BRPF1: variants seen among roughly 807,000 people sequenced by gnomAD.
The protein encoded by BRPF1 is peregrin.
In BRPF1, 15 loss-of-function variants were observed where a neutral mutation model predicts 115.0. The observed-to-expected ratio is 0.13, with a 90% CI of 0.09 to 0.20. The LOEUF (loss-of-function observed/expected upper bound fraction) is 0.20, where lower values mean the gene tolerates loss of function less well. BRPF1 is among the 10% of genes least tolerant of loss of function. BRPF1 has a pLI of 1.00. For synonymous variants in BRPF1, 647 were observed against 619.8 expected (o/e 1.04, Z -0.65); for missense variants, 1,118 against 1,638.3 (o/e 0.68, Z 5.48).
At chr3:9,741,688 A>G (rs74868285) in intron 5 of BRPF1, among the ~76,000 whole-genome samples, 18 of 151,270 alleles carry the variant, frequency 1.2e-4, no homozygotes, top group Non-Finnish European at 2.5e-4. Context: ...TGTGTACCCC[A>G]GCCAGATAGC....
Position 9,745,134 on chromosome 3 carries a change from G to GTAGCAT in BRPF1, c.3047_3048insTAGCAT (p.Ser1016_Ala1017insSerIle). The GTAGCAT allele has an allele frequency of 6.2e-7, 1 of 1,614,200 alleles. No homozygotes were observed. On this transcript the variant is annotated inframe_insertion, in exon 10 of 14. Transcript: ENST00000383829. The surrounding 1 kb of genome is among the most constrained non-coding windows in gnomAD (Gnocchi z 5.1). Reference sequence around the variant, plus strand: ...GAGTCCAGCAGCAGTAGCAGTAGCAGCGCTGCTTCAGACCGGACCAGGTAC... The same window carrying GTAGCAT: ...GAGTCCAGCAGCAGTAGCAGTAGCAGTAGCATCGCTGCTTCAGACCGGACCAGGTAC...
chr3:9,742,910 C>A, intron 6 of BRPF1, 34 bp from the exon 7 acceptor site: 1 of 1,596,144 alleles, frequency 6.3e-7, no homozygotes. Context: ...AGGAGGATAT[C>A]TCCACTTAAA....
rs1292639416 is a variant in BRPF1 at position 9,743,266 on chromosome 3, T to TCA, written c.2311+22_2311+23dup. ...CACACTGAAGATGGTGGGTGATATATCACACACACATATAAGAGGCCAATG... is the reference window on the plus strand; with the variant it reads ...CACACTGAAGATGGTGGGTGATATATCACACACACACATATAAGAGGCCAATG... On this transcript the variant is annotated intron_variant, in intron 7 of 13. Transcript: ENST00000383829. This position sits in a 1 kb window ranked among gnomAD's most constrained non-coding sequence, Gnocchi z 6.1. The TCA allele has an allele frequency of 6.2e-7, 1 of 1,608,162 alleles. No homozygotes were observed.
In BRPF1 at chr3:9,743,425, T is replaced by C; in HGVS notation, c.2312-153T>C. 3.4e-6 allele frequency: 4 copies of C among 1,186,722 alleles called. No homozygotes were observed. The highest frequency in any genetic ancestry group is 4.7e-6 in the Non-Finnish European group (4 of 850,834). 73.5% of individuals were successfully genotyped at this position (1,186,722 alleles called of 1,614,324 possible). On this transcript the variant is annotated intron_variant, in intron 7 of 13. Transcript: ENST00000383829. This position sits in a 1 kb window ranked among gnomAD's most constrained non-coding sequence, Gnocchi z 6.1. ...GCCAGACTGGGTGAATGGATAGCAG[T>C]GCCCGCCATTCCACATCTTGGTGCT...
At position 9,743,294 on chromosome 3, in the gene BRPF1, G is replaced by T; in HGVS notation, c.2311+41G>T. On this transcript the variant is annotated intron_variant, in intron 7 of 13. Transcript: ENST00000383829. This position sits in a 1 kb window ranked among gnomAD's most constrained non-coding sequence, Gnocchi z 6.1. The stretch of plus-strand genomic sequence containing the variant: ...CACACACATATAAGAGGCCAATGCC[G>T]GGGATGGACAGCTTTCCAAAAGTCC... 2 of 1,575,180 alleles carry T rather than the reference G, an allele frequency of 1.3e-6. No individual in the cohort carries two copies. The highest frequency in any genetic ancestry group is 1.2e-5 in the South Asian group (1 of 85,402).
rs374395365 is a variant in BRPF1, at chr3:9,734,537, G to T, written c.397G>T (p.Gly133Cys). Residue 133 changes from glycine (G) to cysteine (C), a missense_variant, in exon 2 of 14, where the codon GGC (glycine) becomes TGC (cysteine). Physicochemically the swap from Gly to Cys is radical, Grantham distance 159. Around this residue, in one of 10 missense-constraint regions of BRPF1, gnomAD observed 280 missense variants for 382.8 expected, o/e 0.73. Coordinates refer to ENST00000383829, the MANE Select transcript of BRPF1 (RefSeq NM_001003694.2). The surrounding 1 kb of genome is among the most constrained non-coding windows in gnomAD (Gnocchi z 5.7). ...EEAPEEAPEN[G>C]SNKENTETPA... ...AGCCCCCGAGGAGGCCCCTGAGAAT[G>T]GCAGCAACAAGGAGAACACTGAGAC... 1 of 1,614,108 alleles carries T rather than the reference G, an allele frequency of 6.2e-7. No homozygotes were observed. Among genetic ancestry groups the T allele is most frequent in the African/African-American group, 1.3e-5 (1 of 75,018 alleles).
At position 9,739,418 on chromosome 3, in the gene BRPF1, T is replaced by G; in HGVS notation, c.1019T>G (p.Phe340Cys). 5 of 1,614,196 alleles carry G rather than the reference T, an allele frequency of 3.1e-6. No homozygotes were observed. Among genetic ancestry groups the G allele is most frequent in the Non-Finnish European group, 4.2e-6 (5 of 1,180,034 alleles). The change falls in exon 3 of 14, where the codon TTC becomes TGC. Residue 340 changes from phenylalanine (F) to cysteine (C), a missense_variant. This residue lies in a region of BRPF1 where 64 missense variants were observed against 172.8 expected (regional missense o/e 0.37). Transcript: ENST00000383829. ...CTGTGCCCCAACAAGGGCGGTGCCTTCAAGCAGACAGATGACGGGCGCTGG... is the reference window on the plus strand; with the variant it reads ...CTGTGCCCCAACAAGGGCGGTGCCTGCAAGCAGACAGATGACGGGCGCTGG... ...CALCPNKGGA[F>C]KQTDDGRWAH... is the part of the protein sequence containing the mutation.
chr3:9,742,626 A>G (rs193070844), intron 6 of BRPF1: 1 of 881,654 alleles, frequency 1.1e-6, no homozygotes, highest in East Asian at 1.2e-4. Flanking sequence ...GGTGGTGTTT[A>G]TTTTCAGAGG....
At position 9,747,374 on chromosome 3, in the gene BRPF1, T is replaced by C. The variant is rs371210376; in HGVS notation, c.*25T>C. ...ATACTGCTCAACACAGCCCAACCTA[T>C]AGTGCCCTGTGACTTCTCTCCTCCC... On this transcript the variant is annotated 3_prime_UTR_variant, in exon 14 of 14. Coordinates refer to ENST00000383829, the MANE Select transcript of BRPF1 (RefSeq NM_001003694.2). This position sits in a 1 kb window ranked among gnomAD's most constrained non-coding sequence, Gnocchi z 5.6. 2.6e-5 allele frequency: 41 copies of C among 1,604,982 alleles called. No individual in the cohort carries two copies. The South Asian group carries it at 4.2e-4, about 16-fold the overall frequency.
Position 9,734,458 on chromosome 3 carries a change from C to T in BRPF1, c.318C>T (p.Arg106=), listed in dbSNP as rs927562819. ...TGGTGGAGGTGGACTTGCATGGCCG[C>T]GTCCACCGCATCAGCATCTTTGACA... ...QRMVEVDLHG[R]VHRISIFDNL... is the part of the protein sequence containing the mutation. Residue 106 remains arginine (R), a synonymous_variant, in exon 2 of 14, where the codon CGC becomes CGT. Coordinates refer to ENST00000383829, the MANE Select transcript of BRPF1 (RefSeq NM_001003694.2). The surrounding 1 kb of genome is among the most constrained non-coding windows in gnomAD (Gnocchi z 5.7). The T allele has an allele frequency of 1.9e-6, 3 of 1,614,024 alleles. No individual in the cohort carries two copies. The highest frequency in any genetic ancestry group is 2.2e-5 in the East Asian group (1 of 44,888).
At chr3:9,737,935 G>A (rs749091843) in intron 2 of BRPF1, among the ~76,000 whole-genome samples, 2 of 152,036 alleles carry the variant, frequency 1.3e-5, no homozygotes, top group Non-Finnish European at 2.9e-5. Context: ...TATTATCCTC[G>A]TTCTGTCATC....
chr3:9,740,532 G>A (rs1033693227), intron 3 of BRPF1, among the ~76,000 whole-genome samples: 1 of 152,214 alleles, frequency 6.6e-6, no homozygotes, highest in Non-Finnish European at 1.5e-5. Context: ...AGGGGCAGAA[G>A]TCCCTGATTG....
Position 9,743,445 on chromosome 3 carries a change from G to T in BRPF1, c.2312-133G>T. ...AGCAGTGCCCGCCATTCCACATCTTGGTGCTGCTATTTTACAGCTGTTCCT... is the reference window on the plus strand; with the variant it reads ...AGCAGTGCCCGCCATTCCACATCTTTGTGCTGCTATTTTACAGCTGTTCCT... On this transcript the variant is annotated intron_variant, in intron 7 of 13. Coordinates refer to ENST00000383829, the MANE Select transcript of BRPF1 (RefSeq NM_001003694.2). This position sits in a 1 kb window ranked among gnomAD's most constrained non-coding sequence, Gnocchi z 6.1. 1.6e-6 allele frequency: 2 copies of T among 1,229,978 alleles called. No homozygotes were observed. The highest frequency in any genetic ancestry group is 2.3e-6 in the Non-Finnish European group (2 of 882,136). 76.2% of individuals were successfully genotyped at this position (1,229,978 alleles called of 1,614,324 possible).
At position 9,739,223 on chromosome 3, in the gene BRPF1, T is replaced by A; in HGVS notation, c.824T>A (p.Val275Asp). 6.2e-7 allele frequency: 1 copy of A among 1,613,658 alleles called. No individual in the cohort carries two copies. Among genetic ancestry groups the A allele is most frequent in the Non-Finnish European group, 8.5e-7 (1 of 1,179,626 alleles). ...DPNALVDEDA[V>D]CCICNDGECQ... ...AATGCGCTAGTGGACGAGGATGCTGTTTGCTGTATCTGCAATGATGGTGAG... is the reference window on the plus strand; with the variant it reads ...AATGCGCTAGTGGACGAGGATGCTGATTGCTGTATCTGCAATGATGGTGAG... The change falls in exon 3 of 14, where the codon GTT becomes GAT. Residue 275 changes from valine (V) to aspartate (D), a missense_variant. Physicochemically the swap from Val to Asp is radical, Grantham distance 152 (BLOSUM62 -3). Around this residue, in one of 10 missense-constraint regions of BRPF1, gnomAD observed 280 missense variants for 382.8 expected, o/e 0.73. Coordinates refer to ENST00000383829, the MANE Select transcript of BRPF1 (RefSeq NM_001003694.2).
intron 1 of BRPF1, among the ~76,000 whole-genome samples, chr3:9,733,607 A>G (rs1175431320): frequency 1.3e-5 from 2 of 152,238 alleles, no homozygotes; most frequent in African/African-American, 4.8e-5. Flanking sequence ...TTGAAGAATG[A>G]GTAGGAGCCC....
At chr3:9,740,181 C>T (rs7652365) in intron 3 of BRPF1, among the ~76,000 whole-genome samples, 1,978 of 152,272 alleles carry the variant, frequency 0.013, 48 homozygotes, top group African/African-American at 0.044. Flanking sequence ...AGCTAACAGG[C>T]GTTTTGGAAC....
Position 9,745,983 on chromosome 3 carries a change from A to G in BRPF1, c.3324+53A>G, listed in dbSNP as rs2077119108. On this transcript the variant is annotated intron_variant, in intron 12 of 13. Coordinates refer to ENST00000383829, the MANE Select transcript of BRPF1 (RefSeq NM_001003694.2). The surrounding 1 kb of genome is among the most constrained non-coding windows in gnomAD (Gnocchi z 5.1). ...CTTTCCAATCCCAGAATACAGATTCACAGTTAGCAGACTTTTCCTACTCCC... is the reference window on the plus strand; with the variant it reads ...CTTTCCAATCCCAGAATACAGATTCGCAGTTAGCAGACTTTTCCTACTCCC... The G allele has an allele frequency of 3.2e-6, 5 of 1,561,380 alleles. No homozygotes were observed. In the South Asian group the frequency reaches 5.9e-5, roughly 18 times the overall value.
In BRPF1 at chr3:9,745,696, C is replaced by A; in HGVS notation, c.3192C>A (p.Gly1064=). 3 of 1,614,196 alleles carry A rather than the reference C, an allele frequency of 1.9e-6. No individual in the cohort carries two copies. The highest frequency in any genetic ancestry group is 2.5e-6 in the Non-Finnish European group (3 of 1,179,980). Residue 1064 remains glycine, a synonymous_variant, in exon 11 of 14, where the codon GGC becomes GGA. Coordinates refer to ENST00000383829, the MANE Select transcript of BRPF1 (RefSeq NM_001003694.2). This position sits in a 1 kb window ranked among gnomAD's most constrained non-coding sequence, Gnocchi z 5.1. ...NEAYSVGTGR[G]VGHSMVRKSL... ...CCTACTCCGTGGGCACTGGCCGCGG[C>A]GTGGGCCACAGCAGTAAGTTCCCTT...
rs2077144142 is a variant in BRPF1 at position 9,747,238 on chromosome 3, G to A, written c.3552G>A (p.Glu1184=). The change falls in exon 14 of 14, where the codon GAG becomes GAA. Residue 1184 remains glutamate (E), a synonymous_variant. Coordinates refer to ENST00000383829, the MANE Select transcript of BRPF1 (RefSeq NM_001003694.2). The surrounding 1 kb of genome is among the most constrained non-coding windows in gnomAD (Gnocchi z 5.6). ...NQDLDKEKML[E]GRKSNIRKSV... ...ACCTAGACAAGGAGAAGATGCTGGAGGGCCGCAAGTCCAACATCCGCAAGT... is the reference window on the plus strand; with the variant it reads ...ACCTAGACAAGGAGAAGATGCTGGAAGGCCGCAAGTCCAACATCCGCAAGT... 5 of 1,614,202 alleles carry A rather than the reference G, an allele frequency of 3.1e-6. No individual in the cohort carries two copies. The East Asian group carries it at 1.1e-4, about 36-fold the overall frequency.
Sources: allele counts gnomAD v4.1 joint callset (sites outside exome capture counted in the v4.1 genomes callset), GRCh38; gene constraint gnomAD v4.1.1; regional missense constraint gnomAD v4.1.1; non-coding constraint Gnocchi (gnomAD v3.1); transcripts MANE v1.5; gene names NCBI Gene and HGNC (gene_info 2026-07-23, HGNC 2026-07-21).